Variants in ARCN1 observed in about 807,000 individuals in gnomAD.
The protein encoded by ARCN1 is coatomer subunit delta.
A neutral mutation model predicts 60.4 loss-of-function variants in ARCN1; 5 were observed. The observed-to-expected ratio is 0.08, with a 90% confidence interval of 0.04 to 0.17. ARCN1 has a LOEUF of 0.17. ARCN1 is among the 10% of genes least tolerant of loss of function. ARCN1 has a pLI of 1.00. For synonymous variants in ARCN1, 224 were observed against 220.0 expected (o/e 1.02, Z -0.16); for missense variants, 464 against 626.5 (o/e 0.74, Z 2.77).
chr11:118,598,191 A>G (rs1225670741), intron 9 of ARCN1, among the ~76,000 whole-genome samples: 2 of 152,110 alleles, frequency 1.3e-5, no homozygotes, highest in African/African-American at 2.4e-5. Flanking sequence ...ATAAACACTT[A>G]GTTGCCTGTT....
chr11:118,580,688 T>G (rs905971917), intron 1 of ARCN1, among the ~76,000 whole-genome samples: 1 of 152,132 alleles, frequency 6.6e-6, no homozygotes, highest in Non-Finnish European at 1.5e-5. Context: ...AGTCTCTTAA[T>G]GTGTTTGTAT....
chr11:118,573,495 A>G (rs1467301417), intron 1 of ARCN1: 4 of 504,140 alleles, frequency 7.9e-6, no homozygotes, highest in Non-Finnish European at 1.4e-5. Flanking sequence ...ATTTGTGGAT[A>G]TTCATGAAGT....
chr11:118,598,015 C>G lies in ARCN1; in HGVS notation c.1446+104C>G, dbSNP rs1298889512. ...CATGGCTTTTTGTGGTCAGATAAAGCTCAGAAAAAAACTGATGTCTCCTAC... is the reference window on the plus strand; with the variant it reads ...CATGGCTTTTTGTGGTCAGATAAAGGTCAGAAAAAAACTGATGTCTCCTAC... On this transcript the variant is annotated intron_variant, in intron 9 of 9. Transcript: ENST00000264028. 1.8e-5 allele frequency: 21 copies of G among 1,152,872 alleles called. No individual in the cohort carries two copies. The East Asian group carries it at 5.2e-4, about 29-fold the overall frequency. The allele number at this position is 1,152,872 out of a possible 1,614,324, so 71.4% of individuals were successfully genotyped here.
chr11:118,576,843 A>T (rs530318089), intron 1 of ARCN1, among the ~76,000 whole-genome samples: 1 of 152,128 alleles, frequency 6.6e-6, no homozygotes, highest in Non-Finnish European at 1.5e-5. Context: ...ACTCAAAGAG[A>T]GACATATGAT....
chr11:118,577,356 C>T (rs1486140320), intron 1 of ARCN1, among the ~76,000 whole-genome samples: 1 of 151,956 alleles, frequency 6.6e-6, no homozygotes, highest in Non-Finnish European at 1.5e-5. Flanking sequence ...AAGCAATCCT[C>T]CCACCTCACT....
At chr11:118,593,774 T>A in intron 8 of ARCN1, 76 bp downstream of exon 8, 2 of 882,400 alleles carry the variant, frequency 2.3e-6, no homozygotes, top group Non-Finnish European at 3.6e-6. Flanking sequence ...AGTCAGCACC[T>A]ACCTGACCTG....
intron 6 of ARCN1, among the ~76,000 whole-genome samples, chr11:118,591,685 C>G (rs1329892195): frequency 1.3e-5 from 2 of 151,948 alleles, no homozygotes; most frequent in African/African-American, 2.4e-5. Flanking sequence ...GCCACCATGC[C>G]CAGCCCTTCT....
chr11:118,584,149 A>G, intron 4 of ARCN1, 135 bp downstream of exon 4: 1 of 884,000 alleles, frequency 1.1e-6, no homozygotes. Flanking sequence ...ACATTTGGCC[A>G]CATACAATAT....
rs1258610955 is a variant in ARCN1 at position 118,583,867 on chromosome 11, C to T, written c.506C>T (p.Ala169Val). ...CGTAAAGCAAAGGAATTACAACAGG[C>T]CCGAAGAGATGCAGAGAGACAGGGC... ...MRRKAKELQQ[A>V]RRDAERQGKK... is the part of the protein sequence containing the mutation. Residue 169 changes from alanine (A) to valine (V), a missense_variant, in exon 4 of 10, where the codon GCC becomes GTC. This residue lies in a region of ARCN1 where 359 missense variants were observed against 440.2 expected (regional missense o/e 0.82). Coordinates refer to ENST00000264028, the MANE Select transcript of ARCN1 (RefSeq NM_001655.5). The T allele has an allele frequency of 1.2e-6, 2 of 1,614,176 alleles. No homozygotes were observed. Among genetic ancestry groups the T allele is most frequent in the Non-Finnish European group, 1.7e-6 (2 of 1,180,034 alleles).
chr11:118,599,679 C>G (rs559254776), intron 9 of ARCN1, among the ~76,000 whole-genome samples: 1 of 152,212 alleles, frequency 6.6e-6, no homozygotes, highest in African/African-American at 2.4e-5. Flanking sequence ...ATCCGCCCAC[C>G]TCGGCTTCCC....
intron 1 of ARCN1, chr11:118,573,743 G>T (rs1555072914): frequency 2.9e-6 from 2 of 681,864 alleles, no homozygotes; most frequent in Admixed American, 4.2e-5. Flanking sequence ...GGGAATTCAT[G>T]CTTGGACTTT....
chr11:118,595,816 C>T (rs1939012627), intron 8 of ARCN1, among the ~76,000 whole-genome samples: 1 of 152,174 alleles, frequency 6.6e-6, no homozygotes, highest in South Asian at 2.1e-4. Context: ...GCCTGTAATC[C>T]CAGCACTTTG....
In ARCN1 at chr11:118,590,326, ACTTTCT is replaced by A; in HGVS notation, c.819-10_819-5del. The A allele has an allele frequency of 6.2e-7, 1 of 1,604,782 alleles. No homozygotes were observed. ...TTCTACCTTTCTGAACAAATGTATT[ACTTTCT>A]CTTTATAGTGTACATATGAAGATTG... On this transcript the variant is annotated splice_polypyrimidine_tract_variant and intron_variant, in intron 5 of 9. Transcript: ENST00000264028.
At position 118,584,543 on chromosome 11, in the gene ARCN1, G is replaced by A. The variant is rs1464219919; in HGVS notation, c.717G>A (p.Val239=). 6.2e-7 allele frequency: 1 copy of A among 1,613,732 alleles called. No individual in the cohort carries two copies. Among genetic ancestry groups the A allele is most frequent in the Non-Finnish European group, 8.5e-7 (1 of 1,179,948 alleles). Residue 239 remains valine (V), a synonymous_variant, in exon 5 of 10, where the codon GTG becomes GTA. Transcript: ENST00000264028. ...GAKGKEVDNF[V]DKLKSEGETI... The stretch of plus-strand genomic sequence containing the variant: ...AAGGAAAGGAAGTAGATAACTTTGT[G>A]GACAAATTAAAATCTGAAGGTGAAA...
At chr11:118,576,440 A>AAAAAAAAAAAAAC (rs1938511068) in intron 1 of ARCN1, among the ~76,000 whole-genome samples, 1 of 147,100 alleles carries the variant, frequency 6.8e-6, no homozygotes, top group African/African-American at 2.5e-5. Flanking sequence ...AAAAAAAAAA[A>AAAAAAAAAAAAAC]AAAAAAAAAC....
chr11:118,573,799 C>A, intron 1 of ARCN1: 3 of 527,576 alleles, frequency 5.7e-6, no homozygotes, highest in South Asian at 2.4e-5. Context: ...TAAATTGCAT[C>A]AAACAGGTTT....
rs1361546151 is a variant in ARCN1 at position 118,576,440 on chromosome 11, A to AC, written c.3+3890_3+3891insC. Among the ~76,000 whole-genome samples, 304 of 147,196 alleles carry AC rather than the reference A, an allele frequency of 2.1e-3. 2 individuals carry two copies. The highest frequency in any genetic ancestry group is 4.0e-3 in the South Asian group (17 of 4,280). On this transcript the variant is annotated intron_variant, in intron 1 of 9. Transcript: ENST00000264028. ...TCCAAAAATGTTAAAAAAAAAAAAA[A>AC]AAAAAAAAACCAAAAACTTTGTAAT... is the stretch of plus-strand genomic sequence containing the variant.
intron 1 of ARCN1, among the ~76,000 whole-genome samples, chr11:118,578,164 A>T (rs891300930): frequency 2.8e-5 from 4 of 141,546 alleles, no homozygotes; most frequent in African/African-American, 5.2e-5. Flanking sequence ...ACTCTCTCAA[A>T]AAATAAATAA....
chr11:118,590,306 C>G, intron 5 of ARCN1, 35 bp from the exon 6 acceptor site: 1 of 1,586,830 alleles, frequency 6.3e-7, no homozygotes, highest in Non-Finnish European at 8.6e-7. Context: ...TTGGTTTCTA[C>G]CTTTCTGAAC....
Sources: allele counts gnomAD v4.1 joint callset (sites outside exome capture counted in the v4.1 genomes callset), GRCh38; gene constraint gnomAD v4.1.1; regional missense constraint gnomAD v4.1.1; transcripts MANE v1.5; gene names NCBI Gene and HGNC (gene_info 2026-07-23, HGNC 2026-07-21).